Variants in LOC122539214 observed in about 807,000 individuals in gnomAD.
chr19:52,675,413 TACAAGGGCTGAGCTGG>T, the LOC122539214 span, among the ~76,000 whole-genome samples: 1 of 151,636 alleles, frequency 6.6e-6, no homozygotes, highest in African/African-American at 2.4e-5. Flanking sequence ...TCAAGGGGGA[TACAAGGGCTGAGCTGG>T]GACACAAGCG....
chr19:52,684,760 C>A, the LOC122539214 span, among the ~76,000 whole-genome samples: 11 of 151,854 alleles, frequency 7.2e-5, no homozygotes, highest in East Asian at 2.1e-3. Context: ...AGAGCAGGGA[C>A]AATGACCTGA....
At chr19:52,653,280 T>C in the LOC122539214 span, 5 of 1,451,932 alleles carry the variant, frequency 3.4e-6, no homozygotes, top group Non-Finnish European at 4.8e-6. Flanking sequence ...GGTGTGCTTT[T>C]TGATTAAAAA....
the LOC122539214 span, among the ~76,000 whole-genome samples, chr19:52,685,897 CAAAAAAAA>C: frequency 0.73 from 97,982 of 135,068 alleles, 33,578 homozygotes; most frequent in African/African-American, 0.8. Flanking sequence ...GTAACTGTCA[CAAAAAAAA>C]AAAAAAAAAA....
the LOC122539214 span, among the ~76,000 whole-genome samples, chr19:52,653,467 C>T: frequency 6.6e-6 from 1 of 152,182 alleles, no homozygotes; most frequent in Non-Finnish European, 1.5e-5. Flanking sequence ...AGCTTTGTCA[C>T]AAACCTTACA....
At chr19:52,666,631 A>G in the LOC122539214 span, among the ~76,000 whole-genome samples, 1 of 151,890 alleles carries the variant, frequency 6.6e-6, no homozygotes, top group East Asian at 1.9e-4. Flanking sequence ...AAAAAAAAAA[A>G]AAAAAAAAAG....
At chr19:52,668,113 A>G in the LOC122539214 span, among the ~76,000 whole-genome samples, 1 of 152,176 alleles carries the variant, frequency 6.6e-6, no homozygotes, top group African/African-American at 2.4e-5. Flanking sequence ...TTAAAACAAG[A>G]GTCTCTCAGC....
the LOC122539214 span, among the ~76,000 whole-genome samples, chr19:52,664,267 G>A: frequency 3.3e-5 from 5 of 151,840 alleles, no homozygotes; most frequent in Admixed American, 6.6e-5. Flanking sequence ...AGGCCGATGC[G>A]GCTGGATCCC....
At chr19:52,689,977 G>A in the LOC122539214 span, among the ~76,000 whole-genome samples, 2 of 152,188 alleles carry the variant, frequency 1.3e-5, no homozygotes, top group Non-Finnish European at 2.9e-5. Context: ...GAGGGAGGTG[G>A]GGGGCGACGG....
the LOC122539214 span, among the ~76,000 whole-genome samples, chr19:52,685,538 G>A: frequency 6.6e-6 from 1 of 152,050 alleles, no homozygotes; most frequent in Non-Finnish European, 1.5e-5. Flanking sequence ...CACAGTAATT[G>A]ACCTTGAAAA....
the LOC122539214 span, chr19:52,652,763 T>C: frequency 1.2e-6 from 1 of 811,126 alleles, no homozygotes; most frequent in Non-Finnish European, 2.0e-6. Context: ...TGATGATGAA[T>C]AAGTGATGAC....
At chr19:52,687,643 A>T in the LOC122539214 span, among the ~76,000 whole-genome samples, 2 of 36,564 alleles carry the variant, frequency 5.5e-5, no homozygotes, top group African/African-American at 6.0e-4. Flanking sequence ...GTATATATAT[A>T]TATATATATA....
chr19:52,671,206 G>A, the LOC122539214 span, among the ~76,000 whole-genome samples: 79 of 152,058 alleles, frequency 5.2e-4, no homozygotes, highest in Admixed American at 2.4e-3. Flanking sequence ...GGTTTGTAAG[G>A]CATGACCCCC....
chr19:52,678,919 G>A, the LOC122539214 span, among the ~76,000 whole-genome samples: 1 of 150,396 alleles, frequency 6.6e-6, no homozygotes, highest in Non-Finnish European at 1.5e-5. Flanking sequence ...AGGTTGCAGT[G>A]AGCTGAGATC....
the LOC122539214 span, among the ~76,000 whole-genome samples, chr19:52,673,481 C>T: frequency 6.6e-6 from 1 of 151,036 alleles, no homozygotes; most frequent in African/African-American, 2.4e-5. Flanking sequence ...CCAGGGTACA[C>T]AAGAAGAGTG....
the LOC122539214 span, chr19:52,654,537 G>A: frequency 3.4e-5 from 15 of 443,920 alleles, no homozygotes; most frequent in South Asian, 6.0e-5. Context: ...CAAAGTTTAA[G>A]AACACCCTGT....
the LOC122539214 span, chr19:52,655,384 C>T: frequency 1.6e-6 from 1 of 627,410 alleles, no homozygotes; most frequent in African/African-American, 1.9e-5. Flanking sequence ...AAAACCACTC[C>T]ATAGGATAGT....
the LOC122539214 span, among the ~76,000 whole-genome samples, chr19:52,662,037 T>C: frequency 6.7e-6 from 1 of 149,770 alleles, no homozygotes; most frequent in South Asian, 2.1e-4. Context: ...AGGCAGGAGA[T>C]GAGATCAGGG....
the LOC122539214 span, among the ~76,000 whole-genome samples, chr19:52,664,311 C>A: frequency 1.3e-5 from 2 of 151,786 alleles, no homozygotes; most frequent in African/African-American, 4.8e-5. Flanking sequence ...GCCTGGGCAA[C>A]ATGGAGAAAG....
the LOC122539214 span, among the ~76,000 whole-genome samples, chr19:52,676,868 A>G: frequency 7.5e-6 from 1 of 132,456 alleles, no homozygotes; most frequent in African/African-American, 3.1e-5. Flanking sequence ...GTGTCCACTC[A>G]GGGTTAAATG....
Sources: gnomAD v4.1 joint callset for allele counts (sites outside exome capture counted in the v4.1 genomes callset) on GRCh38, gnomAD v4.1.1 for gene constraint, MANE v1.5 for transcripts.